The following LRP1B variants were observed in gnomAD, a reference collection of about 807,000 sequenced individuals.
The protein encoded by LRP1B is LDL receptor related protein 1B.
Under a neutral mutation model 556.6 loss-of-function variants are expected in LRP1B, and 217 were observed. The observed-to-expected ratio is 0.39, with a 90% CI of 0.35 to 0.44. The LOEUF is 0.44. Ranked by LOEUF, LRP1B falls within the 20% of genes least tolerant of loss-of-function variation. LRP1B has a pLI of 1.00. For synonymous variants in LRP1B, 2,047 were observed against 1,865.8 expected (o/e 1.10, Z -2.50); for missense variants, 5,053 against 5,620.8 (o/e 0.90, Z 3.23).
At chr2:140,480,605 T>C in intron 59 of LRP1B, among the ~76,000 whole-genome samples, 1 of 151,852 alleles carries the variant, frequency 6.6e-6, no homozygotes, top group East Asian at 2.0e-4. Flanking sequence ...CAAGCCCGGC[T>C]AACTTTTGTA....
chr2:141,024,000 C>A (rs1698143950), intron 11 of LRP1B, among the ~76,000 whole-genome samples: 1 of 151,982 alleles, frequency 6.6e-6, no homozygotes, highest in Admixed American at 6.6e-5. Flanking sequence ...CCAGCGATGC[C>A]TTACCTCACC....
chr2:140,263,345 C>T (rs1682034591), intron 86 of LRP1B, among the ~76,000 whole-genome samples: 1 of 152,098 alleles, frequency 6.6e-6, no homozygotes. Flanking sequence ...GTACAAATGG[C>T]AGCAGTTATA....
At chr2:141,923,408 T>C (rs1700243530) in intron 1 of LRP1B, among the ~76,000 whole-genome samples, 1 of 137,644 alleles carries the variant, frequency 7.3e-6, no homozygotes, top group Non-Finnish European at 1.6e-5. Context: ...TGTCACTATA[T>C]ATATATATAT....
At chr2:142,089,419 G>T (rs1192972283) in intron 1 of LRP1B, among the ~76,000 whole-genome samples, 3 of 152,188 alleles carry the variant, frequency 2.0e-5, no homozygotes, top group African/African-American at 7.2e-5. Flanking sequence ...ATTAAATTTA[G>T]AAGGGTTGGA....
intron 1 of LRP1B, among the ~76,000 whole-genome samples, chr2:141,901,370 AC>A (rs1699614393): frequency 6.6e-6 from 1 of 152,010 alleles, no homozygotes; most frequent in Admixed American, 6.6e-5. Context: ...ATTGAATTTT[AC>A]AGTTTGCTGC....
chr2:140,791,760 G>A lies in LRP1B; in HGVS notation c.5360-15522C>T, dbSNP rs573160015. ...TCTGAGAGCTGCCTTGTACCAGATT[G>A]CCTTGTATCAGACCTTCCAGGTCTC... On this transcript the variant is annotated intron_variant, in intron 32 of 90. Transcript: ENST00000389484. Among the ~76,000 whole-genome samples, 5 of 152,266 alleles carry A rather than the reference G, an allele frequency of 3.3e-5. No homozygotes were observed. The South Asian group carries it at 1.0e-3, about 32-fold the overall frequency.
chr2:140,618,113 A>C (rs1431256260), intron 41 of LRP1B, among the ~76,000 whole-genome samples: 1 of 139,586 alleles, frequency 7.2e-6, no homozygotes. Context: ...GAAAAAACAG[A>C]TGTTAAAAGA....
At chr2:142,073,674 A>G (rs1705400695) in intron 1 of LRP1B, among the ~76,000 whole-genome samples, 1 of 151,954 alleles carries the variant, frequency 6.6e-6, no homozygotes, top group Non-Finnish European at 1.5e-5. Context: ...ATGTGTCCCC[A>G]CCCAAATCTC....
chr2:141,709,439 C>T (rs190425277), intron 2 of LRP1B, among the ~76,000 whole-genome samples: 18 of 151,652 alleles, frequency 1.2e-4, no homozygotes, highest in African/African-American at 3.9e-4. Flanking sequence ...GTCCTCATCC[C>T]AACTATGGCT....
At chr2:140,416,365 C>T (rs573104212) in intron 66 of LRP1B, among the ~76,000 whole-genome samples, 51 of 152,078 alleles carry the variant, frequency 3.4e-4, no homozygotes, top group African/African-American at 1.2e-3. Flanking sequence ...ATATCAAAAC[C>T]CTATCAGAGG....
At chr2:141,685,584 T>G (rs1030707253) in intron 2 of LRP1B, among the ~76,000 whole-genome samples, 1 of 152,042 alleles carries the variant, frequency 6.6e-6, no homozygotes, top group African/African-American at 2.4e-5. Context: ...GATTTTATTA[T>G]AAGAAGATTA....
At chr2:141,544,382 C>CTTCTTCTTCTTCTTCT (rs1559131551) in intron 2 of LRP1B, among the ~76,000 whole-genome samples, 2 of 65,738 alleles carry the variant, frequency 3.0e-5, no homozygotes. Context: ...TCTTCTTCTT[C>CTTCTTCTTCTTCTTCT]TCCTCCTCCT....
chr2:140,923,543 T>C (rs1190397629), intron 20 of LRP1B, among the ~76,000 whole-genome samples: 1 of 152,100 alleles, frequency 6.6e-6, no homozygotes, highest in Non-Finnish European at 1.5e-5. Context: ...TGATAAGACC[T>C]TGACTTATTC....
chr2:142,068,251 C>T (rs1330139098), intron 1 of LRP1B, among the ~76,000 whole-genome samples: 1 of 146,146 alleles, frequency 6.8e-6, no homozygotes, highest in Non-Finnish European at 1.5e-5. Context: ...TTAACTGCCA[C>T]TTACACTGAA....
chr2:141,748,302 T>C (rs1693983535), intron 2 of LRP1B, among the ~76,000 whole-genome samples: 1 of 152,178 alleles, frequency 6.6e-6, no homozygotes, highest in Admixed American at 6.6e-5. Flanking sequence ...ATCATATATA[T>C]AAAAGGCCTA....
In LRP1B at chr2:140,592,135, G is replaced by C. The variant is rs535265571; in HGVS notation, c.7194+6496C>G. On this transcript the variant is annotated intron_variant, in intron 43 of 90. Transcript: ENST00000389484. ...TTCTATATATCTCCTTTATATTATA[G>C]TTCAGGTACTAAATAGAACTTGGAA... Among the ~76,000 whole-genome samples the C allele has an allele frequency of 5.9e-5, 9 of 152,044 alleles. 1 individual carries two copies. The South Asian group carries it at 1.5e-3, about 25-fold the overall frequency.
chr2:140,559,580 G>T (rs2105073258), intron 43 of LRP1B, among the ~76,000 whole-genome samples: 1 of 152,210 alleles, frequency 6.6e-6, no homozygotes, highest in Non-Finnish European at 1.5e-5. Flanking sequence ...TGTGGGGCCA[G>T]AAATAAAGAA....
rs1692415273 is a variant in LRP1B at position 140,850,200 on chromosome 2, T to A, written c.4841A>T (p.Asp1614Val). The A allele has an allele frequency of 6.2e-7, 1 of 1,613,306 alleles. No individual in the cohort carries two copies. The highest frequency in any genetic ancestry group is 1.1e-5 in the South Asian group (1 of 91,066). Residue 1614 changes from aspartate (D) to valine (V), a missense_variant, in exon 29 of 91, where the codon GAT (aspartate) becomes GTT (valine). Coordinates refer to ENST00000389484, the MANE Select transcript of LRP1B (RefSeq NM_018557.3). ...DIDDVTVIDFDASEERLYWTD... is the reference protein window; with the variant it reads ...DIDDVTVIDFVASEERLYWTD... ...CCAGTATAAACGTTCCTCAGATGCA[T>A]CGAAGTCTATCACAGTAACGTCATC...
chr2:140,866,536 T>A (rs907863493), intron 27 of LRP1B, among the ~76,000 whole-genome samples: 18 of 152,018 alleles, frequency 1.2e-4, no homozygotes, highest in African/African-American at 3.4e-4. Flanking sequence ...AAACCATATG[T>A]ATAGAAACTC....
Sources: allele counts gnomAD v4.1 joint callset (sites outside exome capture counted in the v4.1 genomes callset), GRCh38; gene constraint gnomAD v4.1.1; transcripts MANE v1.5; gene names NCBI Gene and HGNC (gene_info 2026-07-23, HGNC 2026-07-21).